LRIG1: variants seen among roughly 807,000 people sequenced by gnomAD.
LRIG1 encodes the protein leucine-rich repeats and immunoglobulin-like domains protein 1.
In LRIG1, 48 loss-of-function variants were observed where a neutral mutation model predicts 99.2. The ratio of observed to expected loss-of-function variants is 0.48; its 90% CI spans 0.38 to 0.62. The LOEUF (loss-of-function observed/expected upper bound fraction) is 0.62. Ranked by LOEUF, LRIG1 falls within the 20% of genes least tolerant of loss-of-function variation. The pLI, the probability that LRIG1 is intolerant of heterozygous loss-of-function variation, is 0.00. For missense variants in LRIG1, 1,646 were observed against 1,434.4 expected, an observed-to-expected ratio of 1.15 and a Z score of -2.38; for synonymous variants, 772 against 596.1, an observed-to-expected ratio of 1.29 and a Z score of -4.30.
At chr3:66,403,441 G>A (rs918049288) in intron 9 of LRIG1, among the ~76,000 whole-genome samples, 1 of 152,108 alleles carries the variant, frequency 6.6e-6, no homozygotes, top group Non-Finnish European at 1.5e-5. Context: ...TGCTGACTCA[G>A]TGGCTGGGTG....
intron 5 of LRIG1, among the ~76,000 whole-genome samples, chr3:66,413,565 C>T (rs1407303046): frequency 6.6e-6 from 1 of 152,122 alleles, no homozygotes; most frequent in Non-Finnish European, 1.5e-5. Flanking sequence ...GTAGAGACAC[C>T]CCACAAGTCA....
chr3:66,405,833 G>C (rs1559781388), intron 8 of LRIG1: 1 of 1,138,902 alleles, frequency 8.8e-7, no homozygotes, highest in Non-Finnish European at 1.1e-6. Flanking sequence ...AGGACATCTG[G>C]GTGCTGAGTC....
intron 3 of LRIG1, chr3:66,417,570 C>G: frequency 2.9e-6 from 1 of 345,424 alleles, no homozygotes; most frequent in Non-Finnish European, 5.5e-6. Context: ...CCAGAATCCA[C>G]GGATGCACTC....
At chr3:66,450,555 G>T (rs1466982394) in intron 3 of LRIG1, among the ~76,000 whole-genome samples, 1 of 152,052 alleles carries the variant, frequency 6.6e-6, no homozygotes, top group Non-Finnish European at 1.5e-5. Flanking sequence ...GTTTCACAGG[G>T]ACACAGCACC....
chr3:66,496,034 C>T (rs1223836907), intron 1 of LRIG1, among the ~76,000 whole-genome samples: 1 of 152,188 alleles, frequency 6.6e-6, no homozygotes, highest in Non-Finnish European at 1.5e-5. Flanking sequence ...GGAGATGGGA[C>T]ATGAGGACAT....
At chr3:66,486,149 G>A (rs900459139) in intron 1 of LRIG1, among the ~76,000 whole-genome samples, 10 of 152,078 alleles carry the variant, frequency 6.6e-5, no homozygotes, top group African/African-American at 2.2e-4. Flanking sequence ...CTGCAGAAAG[G>A]TACACTATTA....
intron 3 of LRIG1, among the ~76,000 whole-genome samples, chr3:66,437,077 C>T (rs1039076004): frequency 6.6e-4 from 100 of 152,310 alleles, no homozygotes; most frequent in African/African-American, 2.2e-3. Context: ...TCATCTTTTA[C>T]GCAGCCTGCT....
intron 16 of LRIG1, among the ~76,000 whole-genome samples, 166 bp downstream of exon 16, chr3:66,382,107 T>C (rs891495597): frequency 6.6e-6 from 1 of 152,190 alleles, no homozygotes; most frequent in Non-Finnish European, 1.5e-5. Flanking sequence ...GCAGAACTCA[T>C]GAAGACTGGG....
intron 1 of LRIG1, among the ~76,000 whole-genome samples, chr3:66,469,410 T>C (rs1700546852): frequency 6.6e-6 from 1 of 152,206 alleles, no homozygotes; most frequent in Non-Finnish European, 1.5e-5. Flanking sequence ...AGATACTATA[T>C]ACATACAGCT....
rs529376216 is a variant in LRIG1 at position 66,456,410 on chromosome 3, A to C, written c.291-4777T>G. 6.6e-5 allele frequency among the ~76,000 whole-genome samples: 10 copies of C among 151,976 alleles called. No individual in the cohort carries two copies. In the South Asian group the frequency reaches 2.1e-3, roughly 32 times the overall value. On this transcript the variant is annotated intron_variant, in intron 2 of 18. Coordinates refer to ENST00000273261, the MANE Select transcript of LRIG1 (RefSeq NM_015541.3). ...TAGCCTGGGCAACATGACAAAACCC[A>C]TCTCTACAAAAAATTAGCCAGGAGT...
At chr3:66,398,295 C>G (rs999155621) in intron 10 of LRIG1, 112 bp from the exon 11 acceptor site, 2 of 762,910 alleles carry the variant, frequency 2.6e-6, no homozygotes, top group African/African-American at 3.5e-5. Context: ...GACCTGTGTC[C>G]TAACTACTAT....
At chr3:66,416,909 G>A (rs1702632032) in intron 4 of LRIG1, among the ~76,000 whole-genome samples, 1 of 152,250 alleles carries the variant, frequency 6.6e-6, no homozygotes, top group Non-Finnish European at 1.5e-5. Flanking sequence ...TTGTCTGTCT[G>A]TAATGTCAGG....
At chr3:66,464,605 AG>A (rs537634540) in intron 1 of LRIG1, among the ~76,000 whole-genome samples, 4 of 151,918 alleles carry the variant, frequency 2.6e-5, no homozygotes, top group Non-Finnish European at 5.9e-5. Flanking sequence ...CTGACTCTTG[AG>A]GCCATTAGGT....
At chr3:66,422,975 A>T (rs1235692703) in intron 3 of LRIG1, among the ~76,000 whole-genome samples, 2 of 152,188 alleles carry the variant, frequency 1.3e-5, no homozygotes, top group Admixed American at 6.5e-5. Context: ...AGATCTTGTG[A>T]GACTCATTCA....
At chr3:66,448,186 A>C (rs753391721) in intron 3 of LRIG1, among the ~76,000 whole-genome samples, 2 of 152,216 alleles carry the variant, frequency 1.3e-5, no homozygotes, top group African/African-American at 2.4e-5. Context: ...CTATGACTCC[A>C]GTTCCCAAAA....
chr3:66,402,954 G>A (rs552067382), intron 9 of LRIG1, among the ~76,000 whole-genome samples: 5 of 152,110 alleles, frequency 3.3e-5, no homozygotes, highest in South Asian at 4.1e-4. Flanking sequence ...AACAAACATC[G>A]ACTCAACACC....
chr3:66,400,633 G>A (rs571183982), intron 9 of LRIG1, among the ~76,000 whole-genome samples: 8 of 152,254 alleles, frequency 5.3e-5, no homozygotes, highest in Admixed American at 1.3e-4. Flanking sequence ...ACCTAGCATC[G>A]GGGAAGAGAC....
intron 1 of LRIG1, among the ~76,000 whole-genome samples, chr3:66,467,596 C>G (rs1377901095): frequency 6.6e-6 from 1 of 152,146 alleles, no homozygotes; most frequent in Non-Finnish European, 1.5e-5. Context: ...CTCCTGACCT[C>G]GTGATGTGCC....
At chr3:66,465,706 A>T (rs1388157041) in intron 1 of LRIG1, among the ~76,000 whole-genome samples, 2 of 152,050 alleles carry the variant, frequency 1.3e-5, no homozygotes, top group Non-Finnish European at 2.9e-5. Flanking sequence ...CATATAACAT[A>T]AAATTTGCCT....
Sources: gnomAD v4.1 joint callset for allele counts (sites outside exome capture counted in the v4.1 genomes callset) on GRCh38, gnomAD v4.1.1 for gene constraint, MANE v1.5 for transcripts, NCBI Gene and HGNC (gene_info 2026-07-23, HGNC 2026-07-21) for gene names.